APPBP2: variants seen among roughly 807,000 people sequenced by gnomAD.
APPBP2 encodes the protein amyloid protein-binding protein 2.
Under a neutral mutation model 76.0 loss-of-function variants are expected in APPBP2, and 15 were observed. The observed-to-expected ratio is 0.20, with a 90% CI of 0.13 to 0.30. The LOEUF (loss-of-function observed/expected upper bound fraction) is 0.30, where lower values mean the gene tolerates loss of function less well. APPBP2 is among the 10% of genes least tolerant of loss of function. The pLI, the probability that APPBP2 is intolerant of heterozygous loss-of-function variation, is 1.00. For synonymous variants in APPBP2, 222 were observed against 242.2 expected, an observed-to-expected ratio of 0.92 and a Z score of 0.77; for missense variants, 401 against 687.2, an observed-to-expected ratio of 0.58 and a Z score of 4.66.
intron 5 of APPBP2, 73 bp downstream of exon 5, chr17:60,466,218 A>C: frequency 7.3e-7 from 1 of 1,367,072 alleles, no homozygotes; most frequent in South Asian, 1.3e-5. Context: ...AAAATAAGAG[A>C]AGACTATTTG....
intron 12 of APPBP2, among the ~76,000 whole-genome samples, chr17:60,448,353 C>G (rs1220792206): frequency 6.6e-6 from 1 of 152,176 alleles, no homozygotes; most frequent in Non-Finnish European, 1.5e-5. Context: ...ATCCCAGCTA[C>G]TCGAGAGGCT....
chr17:60,524,610 GAAAAA>G (rs35185909), intron 1 of APPBP2, among the ~76,000 whole-genome samples: 41 of 49,932 alleles, frequency 8.2e-4, no homozygotes, highest in African/African-American at 1.7e-3. Flanking sequence ...TGCTAATTCT[GAAAAA>G]AAAAAAAAAA....
intron 4 of APPBP2, among the ~76,000 whole-genome samples, chr17:60,475,435 G>A (rs1321065120): frequency 3.9e-5 from 6 of 152,078 alleles, no homozygotes; most frequent in African/African-American, 1.4e-4. Context: ...GAAGTTCCTC[G>A]ATTATTTCCC....
At chr17:60,467,901 A>C (rs1375036319) in intron 4 of APPBP2, among the ~76,000 whole-genome samples, 1 of 152,226 alleles carries the variant, frequency 6.6e-6, no homozygotes, top group Non-Finnish European at 1.5e-5. Context: ...CAATTCATCT[A>C]GACTACAGTG....
chr17:60,449,221 A>T (rs2090372628), intron 12 of APPBP2, among the ~76,000 whole-genome samples: 1 of 152,234 alleles, frequency 6.6e-6, no homozygotes, highest in African/African-American at 2.4e-5. Context: ...AAGTCAGTCA[A>T]TATATTATAG....
At chr17:60,508,777 T>A (rs1263756316) in intron 1 of APPBP2, among the ~76,000 whole-genome samples, 4 of 152,042 alleles carry the variant, frequency 2.6e-5, no homozygotes, top group African/African-American at 9.7e-5. Flanking sequence ...AAACTCAGAA[T>A]CTGGCATTAA....
At chr17:60,493,184 G>A (rs1230214028) in intron 3 of APPBP2, among the ~76,000 whole-genome samples, 2 of 152,098 alleles carry the variant, frequency 1.3e-5, no homozygotes, top group Non-Finnish European at 2.9e-5. Context: ...GGAACTATAA[G>A]TCCATTAAAC....
chr17:60,450,975 G>A (rs2090390464), intron 12 of APPBP2, among the ~76,000 whole-genome samples: 4 of 152,162 alleles, frequency 2.6e-5, no homozygotes, highest in Admixed American at 2.6e-4. Context: ...ATGGGCAAGA[G>A]TTTTAACAGG....
At chr17:60,489,783 C>A (rs185623782) in intron 3 of APPBP2, among the ~76,000 whole-genome samples, 139 of 152,170 alleles carry the variant, frequency 9.1e-4, no homozygotes, top group African/African-American at 3.3e-3. Context: ...CGCCTATAAT[C>A]CCAGCACTTT....
At chr17:60,470,451 A>T (rs950843260) in intron 4 of APPBP2, among the ~76,000 whole-genome samples, 1 of 152,120 alleles carries the variant, frequency 6.6e-6, no homozygotes, top group African/African-American at 2.4e-5. Flanking sequence ...ATTTTAATAG[A>T]GACAAGGTCT....
intron 3 of APPBP2, among the ~76,000 whole-genome samples, chr17:60,480,615 C>T (rs1488653055): frequency 6.6e-6 from 1 of 152,084 alleles, no homozygotes; most frequent in Admixed American, 6.6e-5. Flanking sequence ...AGCTTCCTCA[C>T]CAAGTTGAGC....
chr17:60,460,539 C>T (rs1037153053), intron 9 of APPBP2, 124 bp downstream of exon 9: 177 of 978,594 alleles, frequency 1.8e-4, no homozygotes, highest in Non-Finnish European at 2.3e-4. Context: ...TCCAGGAAGA[C>T]AAGTTCAATC....
intron 3 of APPBP2, among the ~76,000 whole-genome samples, chr17:60,487,670 T>C (rs903094386): frequency 6.6e-6 from 1 of 152,222 alleles, no homozygotes; most frequent in African/African-American, 2.4e-5. Flanking sequence ...AGTCTGTTAT[T>C]ACCAACCTTC....
chr17:60,514,019 A>C (rs1441200756), intron 1 of APPBP2, among the ~76,000 whole-genome samples: 3 of 142,566 alleles, frequency 2.1e-5, no homozygotes, highest in South Asian at 2.2e-4. Context: ...AAAAAAAAAA[A>C]CACAGCCAGG....
chr17:60,475,212 A>G (rs1345304685), intron 4 of APPBP2, among the ~76,000 whole-genome samples: 2 of 152,128 alleles, frequency 1.3e-5, no homozygotes, highest in Non-Finnish European at 2.9e-5. Context: ...CCTGGGCGAC[A>G]GAGACTCCAT....
chr17:60,471,765 C>T (rs2090554342), intron 4 of APPBP2, among the ~76,000 whole-genome samples: 2 of 152,080 alleles, frequency 1.3e-5, no homozygotes, highest in South Asian at 2.1e-4. Flanking sequence ...AAGAGATACT[C>T]GTCTGAAATT....
chr17:60,492,986 C>T (rs1028423189), intron 3 of APPBP2, among the ~76,000 whole-genome samples: 1 of 152,076 alleles, frequency 6.6e-6, no homozygotes, highest in African/African-American at 2.4e-5. Context: ...GTGGGAGGGA[C>T]CTGGTGAAAG....
chr17:60,493,223 T>A (rs976375104), intron 3 of APPBP2, among the ~76,000 whole-genome samples: 10 of 152,186 alleles, frequency 6.6e-5, no homozygotes, highest in Non-Finnish European at 1.3e-4. Flanking sequence ...TTACCCAGTC[T>A]CGGGTATGTC....
chr17:60,482,233 T>C (rs987388130), intron 3 of APPBP2, among the ~76,000 whole-genome samples: 3 of 152,192 alleles, frequency 2.0e-5, no homozygotes, highest in Admixed American at 6.5e-5. Flanking sequence ...TCCTTGACTA[T>C]AAGCATCAAA....
Sources: allele counts gnomAD v4.1 joint callset (sites outside exome capture counted in the v4.1 genomes callset), GRCh38; gene constraint gnomAD v4.1.1; transcripts MANE v1.5; gene names NCBI Gene and HGNC (gene_info 2026-07-23, HGNC 2026-07-21).